ATG3: variants seen among roughly 807,000 people sequenced by gnomAD.
The protein encoded by ATG3 is autophagy related 3, also known as ubiquitin-like-conjugating enzyme ATG3.
ATG3 carries 25 observed loss-of-function variants against 50.7 expected under a neutral mutation model. That is an observed-to-expected ratio of 0.49 (90% CI 0.36 to 0.69). ATG3 has a LOEUF of 0.69. Ranked by LOEUF, ATG3 falls within the 30% of genes least tolerant of loss-of-function variation. ATG3 has a pLI of 0.00. For missense variants in ATG3, 281 were observed against 376.0 expected (o/e 0.75, Z 2.09); for synonymous variants, 119 against 125.5 (o/e 0.95, Z 0.34).
At position 112,544,121 on chromosome 3, in the gene ATG3, G is replaced by A; in HGVS notation, c.344-15C>T. Reference sequence around the variant, plus strand: ...TCCTGTAATACCTATGTAAAATTCGGCAGAAAAGAATAACTAAAATTAAAC... The same window carrying A: ...TCCTGTAATACCTATGTAAAATTCGACAGAAAAGAATAACTAAAATTAAAC... On this transcript the variant is annotated splice_polypyrimidine_tract_variant and intron_variant, in intron 5 of 11. Coordinates refer to ENST00000283290, the MANE Select transcript of ATG3 (RefSeq NM_022488.5). 6.3e-7 allele frequency: 1 copy of A among 1,588,730 alleles called. No homozygotes were observed. Among genetic ancestry groups the A allele is most frequent in the Non-Finnish European group, 8.6e-7 (1 of 1,158,988 alleles).
chr3:112,555,580 A>C (rs1317037951), intron 2 of ATG3, among the ~76,000 whole-genome samples: 1 of 152,360 alleles, frequency 6.6e-6, no homozygotes, highest in African/African-American at 2.4e-5. Flanking sequence ...CTTTTTAAGC[A>C]CAATACTGCC....
At chr3:112,552,706 G>A (rs1933561441) in intron 3 of ATG3, among the ~76,000 whole-genome samples, 1 of 149,606 alleles carries the variant, frequency 6.7e-6, no homozygotes. Context: ...CTGGAGTGCA[G>A]TGGCATCATC....
chr3:112,559,986 G>A lies in ATG3; in HGVS notation c.72+1471C>T, dbSNP rs551132199. 3.3e-5 allele frequency among the ~76,000 whole-genome samples: 5 copies of A among 152,302 alleles called. No homozygotes were observed. The East Asian group carries it at 5.8e-4, about 18-fold the overall frequency. On this transcript the variant is annotated intron_variant, in intron 1 of 11. Transcript: ENST00000283290. ...GGATTCTCTCTGTAAACAACAGTTT[G>A]CACAGGAGTATCAAGGAGACGGTCA...
In ATG3 at chr3:112,561,567, G is replaced by A. The variant is rs754541563; in HGVS notation, c.-39C>T. On this transcript the variant is annotated 5_prime_UTR_variant, in exon 1 of 12. Coordinates refer to ENST00000283290, the MANE Select transcript of ATG3 (RefSeq NM_022488.5). ...TAGCGGCCGGCCCCGCGACGGGATG[G>A]AAAGTGCAGCCGTGTCAGGGGCCAG... 3 of 1,594,682 alleles carry A rather than the reference G, an allele frequency of 1.9e-6. No homozygotes were observed. The highest frequency in any genetic ancestry group is 2.2e-5 in the East Asian group (1 of 44,484).
chr3:112,545,343 C>T (rs1459028536), intron 5 of ATG3, among the ~76,000 whole-genome samples: 2 of 152,186 alleles, frequency 1.3e-5, no homozygotes, highest in African/African-American at 4.8e-5. Flanking sequence ...CTTCAAAGTA[C>T]CTGTCAATGT....
At chr3:112,540,429 G>A (rs1004257442) in intron 7 of ATG3, among the ~76,000 whole-genome samples, 4 of 152,136 alleles carry the variant, frequency 2.6e-5, no homozygotes, top group Non-Finnish European at 5.9e-5. Flanking sequence ...TTCAATGCCT[G>A]CCTTTTTTTC....
intron 2 of ATG3, among the ~76,000 whole-genome samples, chr3:112,554,546 G>A (rs547014882): frequency 2.0e-5 from 3 of 152,264 alleles, no homozygotes; most frequent in South Asian, 4.1e-4. Context: ...GACTCAGCCC[G>A]CCTGCACCCA....
At position 112,561,620 on chromosome 3, in the gene ATG3, C is replaced by G; in HGVS notation, c.-92G>C. 5.3e-6 allele frequency: 7 copies of G among 1,313,242 alleles called. No individual in the cohort carries two copies. The highest frequency in any genetic ancestry group is 7.4e-6 in the Non-Finnish European group (7 of 946,718). The allele number at this position is 1,313,242 out of a possible 1,614,324, so 81.3% of individuals were successfully genotyped here. ...AGTCAGAAAATGTCCTCGCTGCCAC[C>G]GACTCGCATCAGCACCCGGCTGGCA... On this transcript the variant is annotated 5_prime_UTR_variant, in exon 1 of 12. Coordinates refer to ENST00000283290, the MANE Select transcript of ATG3 (RefSeq NM_022488.5).
At chr3:112,551,367 G>A (rs1394423449) in intron 3 of ATG3, among the ~76,000 whole-genome samples, 2 of 152,178 alleles carry the variant, frequency 1.3e-5, no homozygotes, top group Admixed American at 1.3e-4. Flanking sequence ...GGTCATGATA[G>A]CACTTGTGCA....
At chr3:112,559,962 G>A (rs773816574) in intron 1 of ATG3, among the ~76,000 whole-genome samples, 41 of 152,172 alleles carry the variant, frequency 2.7e-4, no homozygotes, top group Non-Finnish European at 3.5e-4. Flanking sequence ...AAACTGTAAG[G>A]ATTCTCTCTG....
Position 112,547,113 on chromosome 3 carries a change from A to C in ATG3, c.343+1420T>G, listed in dbSNP as rs940909352. The stretch of plus-strand genomic sequence containing the variant: ...GCAGTGAGTCTCAACTGAAGGCAGC[A>C]ATTTTTCCCCCAACAGAACATTCAG... On this transcript the variant is annotated intron_variant, in intron 5 of 11. Coordinates refer to ENST00000283290, the MANE Select transcript of ATG3 (RefSeq NM_022488.5). Among the ~76,000 whole-genome samples, 13 of 152,160 alleles carry C rather than the reference A, an allele frequency of 8.5e-5. No individual in the cohort carries two copies. In the East Asian group the frequency reaches 1.9e-3, roughly 23 times the overall value.
At chr3:112,561,315 G>A (rs1933865520) in intron 1 of ATG3, 142 bp downstream of exon 1, 4 of 821,816 alleles carry the variant, frequency 4.9e-6, no homozygotes, top group Non-Finnish European at 6.0e-6. Flanking sequence ...TACGGGTGGG[G>A]GCTGCACACT....
chr3:112,561,448 C>G lies in ATG3; in HGVS notation c.72+9G>C, dbSNP rs569374853. On this transcript the variant is annotated intron_variant, in intron 1 of 11. Coordinates refer to ENST00000283290, the MANE Select transcript of ATG3 (RefSeq NM_022488.5). ...CCTGACAGCTCCCGGCAACCCTGGC[C>G]TGGCTTACCTTGAGGACCGGGGTCA... 5.6e-6 allele frequency: 9 copies of G among 1,612,922 alleles called. No individual in the cohort carries two copies. Among genetic ancestry groups the G allele is most frequent in the East Asian group, 2.2e-5 (1 of 44,834 alleles).
At chr3:112,535,434 T>C (rs1282134524) in intron 10 of ATG3, 1 of 152,160 alleles carries the variant, frequency 6.6e-6, no homozygotes, top group Non-Finnish European at 1.5e-5. Context: ...CCCAACTGAG[T>C]AAAGTTTATA....
Position 112,550,193 on chromosome 3 carries a change from A to G in ATG3, c.234T>C (p.Asn78=). 1 of 1,607,590 alleles carries G rather than the reference A, an allele frequency of 6.2e-7. No individual in the cohort carries two copies. The highest frequency in any genetic ancestry group is 1.3e-5 in the African/African-American group (1 of 74,874). ...PTGKQFLVTK[N]VPCYKRCKQM... Reference sequence around the variant, plus strand: ...TCATATATGCAACATAATTCTTACCATTTTTGGTTACCAAAAATTGTTTGC... The same window carrying G: ...TCATATATGCAACATAATTCTTACCGTTTTTGGTTACCAAAAATTGTTTGC... Residue 78 remains asparagine, a splice_region_variant and synonymous_variant, in exon 4 of 12, where the codon AAT becomes AAC. Coordinates refer to ENST00000283290, the MANE Select transcript of ATG3 (RefSeq NM_022488.5).
intron 4 of ATG3, among the ~76,000 whole-genome samples, chr3:112,549,081 A>G (rs1022463129): frequency 2.0e-5 from 3 of 152,242 alleles, no homozygotes; most frequent in African/African-American, 4.8e-5. Context: ...AGTAACTTTC[A>G]ATATAAATTT....
chr3:112,553,964 T>A (rs981079770), intron 2 of ATG3, among the ~76,000 whole-genome samples: 1 of 152,232 alleles, frequency 6.6e-6, no homozygotes, highest in Non-Finnish European at 1.5e-5. Flanking sequence ...ACAAATTGAA[T>A]TCTCTCTAAA....
chr3:112,561,865 G>C lies in ATG3; in HGVS notation c.-337C>G. 1 of 300,762 alleles carries C rather than the reference G, an allele frequency of 3.3e-6. No individual in the cohort carries two copies. The highest frequency in any genetic ancestry group is 6.2e-6 in the Non-Finnish European group (1 of 160,586). The allele number at this position is 300,762 out of a possible 1,614,324, so 18.6% of individuals were successfully genotyped here. On this transcript the variant is annotated 5_prime_UTR_variant, in exon 1 of 12. Transcript: ENST00000283290. ...ACGCACCCCTCGCCCTCTGCGAGCT[G>C]TCTGTCCTCGCTTTGCTTCACTCGC...
chr3:112,538,399 C>T (rs1170868759), intron 7 of ATG3: 2 of 481,220 alleles, frequency 4.2e-6, no homozygotes, highest in Non-Finnish European at 3.7e-6. Context: ...CATAATAATA[C>T]TGTAGAGTCC....
Sources: gnomAD v4.1 joint callset for allele counts (sites outside exome capture counted in the v4.1 genomes callset) on GRCh38, gnomAD v4.1.1 for gene constraint, MANE v1.5 for transcripts, NCBI Gene and HGNC (gene_info 2026-07-23, HGNC 2026-07-21) for gene names.